The following NPR3 variants were observed in gnomAD, a reference collection of about 807,000 sequenced individuals.
The protein encoded by NPR3 is natriuretic peptide receptor 3, also known as atrial natriuretic peptide receptor 3.
NPR3 carries 34 observed loss-of-function variants against 54.5 expected under a neutral mutation model. The observed-to-expected ratio is 0.62, with a 90% CI of 0.47 to 0.83. The LOEUF (loss-of-function observed/expected upper bound fraction) is 0.83. Ranked by LOEUF, NPR3 falls within the 40% of genes least tolerant of loss-of-function variation. The pLI, the probability that NPR3 is intolerant of heterozygous loss-of-function variation, is 0.00. For synonymous variants in NPR3, 289 were observed against 297.1 expected (o/e 0.97, Z 0.28); for missense variants, 674 against 720.8 (o/e 0.94, Z 0.74).
Position 32,774,696 on chromosome 5 carries a change from T to G in NPR3, c.1060-12T>G. 1.2e-6 allele frequency: 2 copies of G among 1,608,842 alleles called. No individual in the cohort carries two copies. ...GGTGTTTTGGTTCACCCATCTGGGGTTTTCTTTTCAGGTTAACATGTTTGT... is the reference window on the plus strand; with the variant it reads ...GGTGTTTTGGTTCACCCATCTGGGGGTTTCTTTTCAGGTTAACATGTTTGT... On this transcript the variant is annotated splice_polypyrimidine_tract_variant and intron_variant, in intron 3 of 7. Transcript: ENST00000265074.
chr5:32,741,546 A>C (rs780395266), intron 3 of NPR3, among the ~76,000 whole-genome samples: 17 of 152,210 alleles, frequency 1.1e-4, no homozygotes, highest in Non-Finnish European at 1.8e-4. Flanking sequence ...TACCTACTAC[A>C]AAGATTTATA....
intron 2 of NPR3, among the ~76,000 whole-genome samples, chr5:32,733,666 T>G (rs1324680352): frequency 6.6e-6 from 1 of 152,214 alleles, no homozygotes; most frequent in East Asian, 1.9e-4. Context: ...AATTATGTTT[T>G]GCCATAAAAG....
At chr5:32,720,866 T>C (rs1002609889) in intron 1 of NPR3, among the ~76,000 whole-genome samples, 3 of 152,190 alleles carry the variant, frequency 2.0e-5, no homozygotes, top group Admixed American at 6.5e-5. Flanking sequence ...TTCATATACT[T>C]TCTAAGAGTT....
intron 7 of NPR3, 54 bp downstream of exon 7, chr5:32,784,937 T>C: frequency 1.6e-6 from 2 of 1,287,500 alleles, no homozygotes; most frequent in Non-Finnish European, 2.3e-6. Context: ...CTTTGTCATT[T>C]GATTTTACAT....
chr5:32,779,511 T>A (rs1742229492), intron 4 of NPR3, among the ~76,000 whole-genome samples: 1 of 152,240 alleles, frequency 6.6e-6, no homozygotes, highest in Non-Finnish European at 1.5e-5. Context: ...TACGTGTCAC[T>A]GACTCCCTTT....
At chr5:32,741,394 G>A (rs1229982099) in intron 3 of NPR3, among the ~76,000 whole-genome samples, 1 of 152,192 alleles carries the variant, frequency 6.6e-6, no homozygotes, top group Non-Finnish European at 1.5e-5. Flanking sequence ...GCTCCAGCCT[G>A]GGTGGCAGAG....
chr5:32,760,851 T>C (rs761960642), intron 3 of NPR3, among the ~76,000 whole-genome samples: 65 of 152,140 alleles, frequency 4.3e-4, no homozygotes, highest in Non-Finnish European at 6.5e-4. Flanking sequence ...AATTTTTGTA[T>C]TTGCTGTGAG....
intron 3 of NPR3, among the ~76,000 whole-genome samples, chr5:32,740,768 T>G (rs1250261293): frequency 6.6e-6 from 1 of 152,212 alleles, no homozygotes; most frequent in Non-Finnish European, 1.5e-5. Context: ...ACTTACAGTG[T>G]GCAGAGGCCT....
intron 3 of NPR3, among the ~76,000 whole-genome samples, chr5:32,755,778 G>A (rs897376112): frequency 1.3e-5 from 2 of 152,092 alleles, no homozygotes; most frequent in African/African-American, 4.8e-5. Flanking sequence ...CTACATTGCC[G>A]CATCCTTCTT....
intron 1 of NPR3, among the ~76,000 whole-genome samples, chr5:32,695,655 C>G (rs1740514000): frequency 6.6e-6 from 1 of 152,188 alleles, no homozygotes; most frequent in Admixed American, 6.5e-5. Flanking sequence ...TACAAGAGTT[C>G]CCTTTTCTTC....
chr5:32,720,510 A>G (rs1738797941), intron 1 of NPR3, among the ~76,000 whole-genome samples: 1 of 152,230 alleles, frequency 6.6e-6, no homozygotes, highest in Non-Finnish European at 1.5e-5. Context: ...AATAGTGAGA[A>G]GCCATTTACA....
chr5:32,762,744 T>A (rs891439644), intron 3 of NPR3, among the ~76,000 whole-genome samples: 30 of 152,200 alleles, frequency 2.0e-4, no homozygotes, highest in African/African-American at 6.8e-4. Context: ...CTTTGTCAGA[T>A]GGATAGATTG....
At chr5:32,712,583 C>G in intron 1 of NPR3, 38 bp downstream of exon 1, 1 of 1,492,014 alleles carries the variant, frequency 6.7e-7, no homozygotes, top group African/African-American at 1.4e-5. Flanking sequence ...GGCCCTAACC[C>G]AACCGCTCTC....
At chr5:32,723,336 T>C (rs778169415) in intron 1 of NPR3, among the ~76,000 whole-genome samples, 1 of 152,208 alleles carries the variant, frequency 6.6e-6, no homozygotes, top group Non-Finnish European at 1.5e-5. Flanking sequence ...GTAGCCCTTA[T>C]GTGGTAGGCA....
At chr5:32,781,372 A>G (rs928062231) in intron 5 of NPR3, among the ~76,000 whole-genome samples, 4 of 152,182 alleles carry the variant, frequency 2.6e-5, no homozygotes, top group African/African-American at 9.7e-5. Context: ...GAAAAGTACT[A>G]TCTACATTTT....
chr5:32,752,755 G>A (rs894836668), intron 3 of NPR3, among the ~76,000 whole-genome samples: 1 of 152,168 alleles, frequency 6.6e-6, no homozygotes, highest in Admixed American at 6.5e-5. Context: ...TAATCAAGTG[G>A]ACTGAGGTGT....
rs541867141 is a variant in NPR3, at chr5:32,691,835, C to A, written c.100+2649C>A. Reference sequence around the variant, plus strand: ...AAGCGAGGAGAAGGAATAAGTAAAACATGTTAGCATGTTATGCAGCATGCA... The same window carrying A: ...AAGCGAGGAGAAGGAATAAGTAAAAAATGTTAGCATGTTATGCAGCATGCA... On this transcript the variant is annotated intron_variant, in intron 1 of 5. Coordinates refer to the NPR3 transcript ENST00000509104. 2.2e-3 allele frequency among the ~76,000 whole-genome samples: 338 copies of A among 152,312 alleles called. 3 individuals are homozygous for A. The highest frequency in any genetic ancestry group is 9.7e-3 in the Admixed American group (149 of 15,306).
At chr5:32,723,044 T>A (rs998193976) in intron 1 of NPR3, among the ~76,000 whole-genome samples, 4 of 152,172 alleles carry the variant, frequency 2.6e-5, no homozygotes, top group Non-Finnish European at 5.9e-5. Flanking sequence ...AAACTAAATA[T>A]CAACAAGAAC....
chr5:32,750,423 A>AC (rs564675670), intron 3 of NPR3, among the ~76,000 whole-genome samples: 372 of 152,094 alleles, frequency 2.4e-3, no homozygotes, highest in African/African-American at 8.8e-3. Context: ...AACGGGAGCC[A>AC]CCCCTCCCGG....
Sources: gnomAD v4.1 joint callset for allele counts (sites outside exome capture counted in the v4.1 genomes callset) on GRCh38, gnomAD v4.1.1 for gene constraint, MANE v1.5 for transcripts, NCBI Gene and HGNC (gene_info 2026-07-23, HGNC 2026-07-21) for gene names.